Variants in NWD1 observed in about 807,000 individuals in gnomAD.
The protein encoded by NWD1 is NACHT and WD repeat domain containing 1, also known as NACHT domain- and WD repeat-containing protein 1.
In NWD1, 129 loss-of-function variants were observed where a neutral mutation model predicts 135.1. The ratio of observed to expected loss-of-function variants is 0.96; its 90% CI spans 0.83 to 1.11. The LOEUF is 1.11. Ranked by LOEUF, NWD1 falls within the 50% of genes least tolerant of loss-of-function variation. NWD1 has a pLI of 0.00. For synonymous variants in NWD1, 773 were observed against 786.0 expected (o/e 0.98, Z 0.28); for missense variants, 1,740 against 1,851.3 (o/e 0.94, Z 1.10).
At position 16,744,689 on chromosome 19, in the gene NWD1, A is replaced by G. The variant is rs1331463451; in HGVS notation, c.467A>G (p.Gln156Arg). 4.6e-6 allele frequency: 7 copies of G among 1,535,908 alleles called. No homozygotes were observed. The highest frequency in any genetic ancestry group is 6.1e-6 in the Non-Finnish European group (7 of 1,146,888). Residue 156 changes from glutamine (Q) to arginine (R), a missense_variant, in exon 5 of 19, where the codon CAG becomes CGG. Physicochemically the swap from Gln to Arg is conservative, Grantham distance 43. Coordinates refer to ENST00000524140, the MANE Select transcript of NWD1 (RefSeq NM_001007525.5). ...QEARRLGLIT[Q>R]EQWQHYHRSV... is the part of the protein sequence containing the mutation. ...GCCCGGAGGCTGGGGCTCATCACCC[A>G]GGAGCAGTGGCAGCACTACCACCGG... is the stretch of plus-strand genomic sequence containing the variant.
intron 7 of NWD1, among the ~76,000 whole-genome samples, chr19:16,761,251 T>C (rs555789267): frequency 6.6e-6 from 1 of 152,228 alleles, no homozygotes; most frequent in African/African-American, 2.4e-5. Flanking sequence ...AGGTTTTGTT[T>C]ATCTTCGTCT....
chr19:16,801,807 G>A (rs544672316), intron 17 of NWD1: 4 of 152,308 alleles, frequency 2.6e-5, no homozygotes, highest in South Asian at 2.1e-4. Flanking sequence ...CACATCCCTC[G>A]TGGATAGATT....
At chr19:16,762,249 C>T in intron 8 of NWD1, 111 bp downstream of exon 8, 1 of 916,802 alleles carries the variant, frequency 1.1e-6, no homozygotes, top group Non-Finnish European at 1.7e-6. Flanking sequence ...ACCTACTTCT[C>T]CTTTCCGCAC....
At position 16,750,387 on chromosome 19, in the gene NWD1, T is replaced by G. The variant is rs1223069719; in HGVS notation, c.1745T>G (p.Val582Gly). 6.3e-7 allele frequency: 1 copy of G among 1,593,782 alleles called. No individual in the cohort carries two copies. Among genetic ancestry groups the G allele is most frequent in the Non-Finnish European group, 8.5e-7 (1 of 1,171,286 alleles). Residue 582 changes from valine to glycine, a missense_variant, in exon 6 of 19, where the codon GTG becomes GGG. Transcript: ENST00000524140. ...CACGGGCAGCTCCTCGTGGCCCACG[T>G]GCTGGGCTACATTGTGTCTTCCCGG... ...QTHGQLLVAH[V>G]LGYIVSSRHG...
chr19:16,790,345 T>C (rs1970197826), intron 13 of NWD1, among the ~76,000 whole-genome samples: 1 of 152,108 alleles, frequency 6.6e-6, no homozygotes, highest in South Asian at 2.1e-4. Flanking sequence ...TTGATATCTA[T>C]TTATTATTAT....
intron 10 of NWD1, among the ~76,000 whole-genome samples, chr19:16,767,167 C>CT (rs56324724): frequency 0.013 from 859 of 67,032 alleles, 63 homozygotes; most frequent in East Asian, 0.022. Flanking sequence ...AGAGGTGCGT[C>CT]TTTTTTTTTT....
intron 10 of NWD1, among the ~76,000 whole-genome samples, chr19:16,769,689 T>C (rs533771052): frequency 1.3e-5 from 2 of 152,262 alleles, no homozygotes; most frequent in South Asian, 4.1e-4. Context: ...CCCCAGCCCT[T>C]CTGTGGCAAC....
chr19:16,736,625 A>C lies in NWD1; in HGVS notation c.82-9A>C, dbSNP rs1311993787. 6.7e-7 allele frequency: 1 copy of C among 1,497,278 alleles called. No individual in the cohort carries two copies. Among genetic ancestry groups the C allele is most frequent in the Non-Finnish European group, 9.0e-7 (1 of 1,111,618 alleles). The allele number at this position is 1,497,278 out of a possible 1,614,324, so 92.7% of individuals were successfully genotyped here. ...ACCTCTCTGACAAACTTGTGTTTCT[A>C]TTTCCCAGGTCGTTGATCTGAGGTG... On this transcript the variant is annotated splice_polypyrimidine_tract_variant and intron_variant, in intron 3 of 18. Transcript: ENST00000524140.
At chr19:16,764,999 G>C in intron 9 of NWD1, 35 bp from the exon 10 acceptor site, 1 of 1,609,534 alleles carries the variant, frequency 6.2e-7, no homozygotes, top group South Asian at 1.1e-5. Context: ...AGGGAGGTAG[G>C]CACTTCCCAC....
At chr19:16,766,382 A>G (rs1969223718) in intron 10 of NWD1, among the ~76,000 whole-genome samples, 1 of 152,154 alleles carries the variant, frequency 6.6e-6, no homozygotes, top group African/African-American at 2.4e-5. Flanking sequence ...AGCCTGGGTG[A>G]CAGAGCGAGA....
intron 7 of NWD1, among the ~76,000 whole-genome samples, chr19:16,761,713 G>A (rs1203166589): frequency 6.6e-6 from 1 of 152,096 alleles, no homozygotes; most frequent in Non-Finnish European, 1.5e-5. Flanking sequence ...GGATTTGCTG[G>A]GTCAGGTGGT....
chr19:16,799,418 T>A (rs932567853), intron 16 of NWD1, among the ~76,000 whole-genome samples: 3 of 151,740 alleles, frequency 2.0e-5, no homozygotes, highest in Admixed American at 2.0e-4. Flanking sequence ...ATGGTCTTGA[T>A]CTCCTGACCT....
chr19:16,808,287 C>T (rs1032615924), intron 18 of NWD1, 151 bp downstream of exon 18: 20 of 696,220 alleles, frequency 2.9e-5, no homozygotes, highest in Middle Eastern at 4.0e-4. Context: ...CAGTGGCTCA[C>T]GCCTGTAATC....
chr19:16,790,596 C>G (rs1368516079), intron 13 of NWD1, among the ~76,000 whole-genome samples: 1 of 149,500 alleles, frequency 6.7e-6, no homozygotes. Context: ...CAAACCTGCA[C>G]GTTCGGCACA....
intron 12 of NWD1, among the ~76,000 whole-genome samples, chr19:16,781,960 G>A (rs1411135925): frequency 4.6e-5 from 7 of 151,666 alleles, no homozygotes; most frequent in East Asian, 1.9e-4. Context: ...TGGGCGTGAT[G>A]GTGGGTGCCT....
chr19:16,738,452 C>T (rs999783334), intron 4 of NWD1, among the ~76,000 whole-genome samples: 1 of 151,156 alleles, frequency 6.6e-6, no homozygotes, highest in Non-Finnish European at 1.5e-5. Context: ...GCCTGTGATC[C>T]CAGCTACTTG....
At chr19:16,768,267 A>G (rs1012701242) in intron 10 of NWD1, among the ~76,000 whole-genome samples, 1 of 152,076 alleles carries the variant, frequency 6.6e-6, no homozygotes, top group African/African-American at 2.4e-5. Context: ...AAGTGCTGGG[A>G]TTACAGGCTT....
chr19:16,802,521 G>A (rs1970633022), intron 17 of NWD1, among the ~76,000 whole-genome samples: 1 of 148,786 alleles, frequency 6.7e-6, no homozygotes, highest in Non-Finnish European at 1.5e-5. Flanking sequence ...GCTTCCTCTG[G>A]CCGTATGACC....
intron 2 of NWD1, among the ~76,000 whole-genome samples, chr19:16,726,505 T>A (rs559240240): frequency 1.3e-5 from 2 of 152,194 alleles, no homozygotes; most frequent in East Asian, 3.9e-4. Flanking sequence ...AGTGGTGTGA[T>A]CTTAGTTCAC....
Sources: gnomAD v4.1 joint callset for allele counts (sites outside exome capture counted in the v4.1 genomes callset) on GRCh38, gnomAD v4.1.1 for gene constraint, MANE v1.5 for transcripts, NCBI Gene and HGNC (gene_info 2026-07-23, HGNC 2026-07-21) for gene names.